Variants in NPAS3 observed in about 807,000 individuals in gnomAD.
NPAS3 encodes the protein neuronal PAS domain protein 3, also known as neuronal PAS domain-containing protein 3.
Under a neutral mutation model 73.1 loss-of-function variants are expected in NPAS3, and 14 were observed. The ratio of observed to expected loss-of-function variants is 0.19; its 90% CI spans 0.13 to 0.30. The LOEUF (loss-of-function observed/expected upper bound fraction) is 0.30, where lower values mean the gene tolerates loss of function less well. Among genes scored for constraint, NPAS3 ranks in the 10% least tolerant of loss-of-function variants. The probability of loss-of-function intolerance (pLI) is 1.00; values close to 1 mark genes in which losing one functional copy is unlikely to be tolerated. For missense variants in NPAS3, 1,096 were observed against 1,250.0 expected, an observed-to-expected ratio of 0.88 and a Z score of 1.86; for synonymous variants, 620 against 541.5, an observed-to-expected ratio of 1.14 and a Z score of -2.01.
chr14:33,060,322 G>A (rs74041774), intron 2 of NPAS3, among the ~76,000 whole-genome samples: 232 of 152,202 alleles, frequency 1.5e-3, no homozygotes, highest in African/African-American at 5.2e-3. Context: ...AGAACAATCC[G>A]TTCACCCGTA....
At chr14:33,452,443 CA>C (rs2049836110) in intron 4 of NPAS3, among the ~76,000 whole-genome samples, 1 of 152,028 alleles carries the variant, frequency 6.6e-6, no homozygotes. Context: ...TGCTTTCCTG[CA>C]ATCTTTTAGA....
chr14:33,066,724 A>T (rs2041294046), intron 2 of NPAS3, among the ~76,000 whole-genome samples: 1 of 152,216 alleles, frequency 6.6e-6, no homozygotes, highest in South Asian at 2.1e-4. Flanking sequence ...TGCCGTCAAA[A>T]GGAAACATTC....
Position 33,226,928 on chromosome 14 carries a change from A to G in NPAS3, c.385+11502A>G, listed in dbSNP as rs1443364877. On this transcript the variant is annotated intron_variant, in intron 3 of 11. Coordinates refer to ENST00000356141, the Ensembl canonical transcript of NPAS3. ...TTGGGTTTTATATAAATACTTTAAAATATTGGCTTTCTTCTATAAAAATAG... is the reference window on the plus strand; with the variant it reads ...TTGGGTTTTATATAAATACTTTAAAGTATTGGCTTTCTTCTATAAAAATAG... Among the ~76,000 whole-genome samples the G allele has an allele frequency of 2.6e-5, 4 of 152,356 alleles. No individual in the cohort carries two copies. In the East Asian group the frequency reaches 7.7e-4, roughly 29 times the overall value.
chr14:33,627,359 A>C (rs1260456660), intron 5 of NPAS3, among the ~76,000 whole-genome samples: 3 of 152,170 alleles, frequency 2.0e-5, no homozygotes, highest in African/African-American at 7.2e-5. Context: ...GTGAAGTTCC[A>C]AGAACCTTGG....
chr14:33,750,159 G>A (rs1200570960), intron 7 of NPAS3, among the ~76,000 whole-genome samples: 2 of 151,692 alleles, frequency 1.3e-5, no homozygotes, highest in African/African-American at 4.8e-5. Flanking sequence ...CAAACAGTGA[G>A]GCGTTGTCAA....
At chr14:33,423,437 C>T (rs929354573) in intron 4 of NPAS3, among the ~76,000 whole-genome samples, 5 of 151,782 alleles carry the variant, frequency 3.3e-5, no homozygotes, top group African/African-American at 9.7e-5. Flanking sequence ...TAAAAGTCAC[C>T]GAAAGCAGAA....
intron 1 of NPAS3, among the ~76,000 whole-genome samples, chr14:32,949,900 G>A (rs546927204): frequency 1.3e-5 from 2 of 151,888 alleles, no homozygotes; most frequent in South Asian, 4.1e-4. Context: ...ATGCATAGAT[G>A]TCTTACATTC....
chr14:33,524,966 A>G (rs1174072387), intron 4 of NPAS3, among the ~76,000 whole-genome samples: 1 of 152,150 alleles, frequency 6.6e-6, no homozygotes, highest in African/African-American at 2.4e-5. Flanking sequence ...CACCACTTCT[A>G]TTTCCAAATA....
intron 4 of NPAS3, among the ~76,000 whole-genome samples, chr14:33,485,399 T>G (rs1161992082): frequency 6.6e-6 from 1 of 152,156 alleles, no homozygotes; most frequent in Non-Finnish European, 1.5e-5. Context: ...TGCTCCACAC[T>G]TGAGTAATCA....
intron 3 of NPAS3, among the ~76,000 whole-genome samples, chr14:33,319,779 G>A (rs2043358838): frequency 6.6e-6 from 1 of 152,140 alleles, no homozygotes; most frequent in Non-Finnish European, 1.5e-5. Context: ...ACAGGGCCAA[G>A]GTTGAGAAAC....
intron 5 of NPAS3, among the ~76,000 whole-genome samples, chr14:33,665,835 G>T (rs535197529): frequency 6.6e-6 from 1 of 151,930 alleles, no homozygotes; most frequent in Non-Finnish European, 1.5e-5. Flanking sequence ...AAAATGCACC[G>T]TGGGTTTTGT....
intron 4 of NPAS3, among the ~76,000 whole-genome samples, chr14:33,495,275 A>T (rs1045362934): frequency 6.6e-6 from 1 of 152,072 alleles, no homozygotes; most frequent in Admixed American, 6.6e-5. Flanking sequence ...TTTTCCGTGT[A>T]GTTGTGCGGT....
chr14:33,687,040 T>C (rs1198038032), intron 6 of NPAS3, among the ~76,000 whole-genome samples: 2 of 152,186 alleles, frequency 1.3e-5, no homozygotes, highest in African/African-American at 4.8e-5. Flanking sequence ...AGAAACATTT[T>C]TGGGAGGCCT....
intron 6 of NPAS3, among the ~76,000 whole-genome samples, chr14:33,690,149 T>C (rs772506235): frequency 2.0e-5 from 3 of 152,208 alleles, no homozygotes; most frequent in Non-Finnish European, 2.9e-5. Flanking sequence ...ATGGCTCCTT[T>C]ACTATCGAAT....
chr14:33,377,142 T>A (rs986915810), intron 4 of NPAS3, among the ~76,000 whole-genome samples: 3 of 152,146 alleles, frequency 2.0e-5, no homozygotes, highest in African/African-American at 4.8e-5. Context: ...GAGTAAAAAA[T>A]TTTATATTTG....
intron 7 of NPAS3, among the ~76,000 whole-genome samples, chr14:33,750,831 T>A (rs77211870): frequency 0.017 from 2,653 of 152,146 alleles, 77 homozygotes; most frequent in African/African-American, 0.061. Flanking sequence ...AATGAGATAA[T>A]GTGATATGTG....
chr14:33,329,567 A>C (rs1158899992), intron 3 of NPAS3, among the ~76,000 whole-genome samples: 3 of 152,142 alleles, frequency 2.0e-5, no homozygotes, highest in Non-Finnish European at 4.4e-5. Context: ...AGGAGAATTG[A>C]AAGAAAAAGG....
intron 3 of NPAS3, among the ~76,000 whole-genome samples, chr14:33,330,979 A>T (rs2043957884): frequency 1.3e-5 from 2 of 152,250 alleles, no homozygotes. Context: ...AAGAGGAAAC[A>T]AAAGTTGCCA....
chr14:33,213,249 T>C (rs2047104113), intron 2 of NPAS3, among the ~76,000 whole-genome samples: 1 of 151,982 alleles, frequency 6.6e-6, no homozygotes, highest in Non-Finnish European at 1.5e-5. Context: ...AAAAAAAAAT[T>C]GTAAGTTTAG....
Sources: allele counts gnomAD v4.1 joint callset (sites outside exome capture counted in the v4.1 genomes callset), GRCh38; gene constraint gnomAD v4.1.1; transcripts MANE v1.5; gene names NCBI Gene and HGNC (gene_info 2026-07-23, HGNC 2026-07-21).